The following ADAMTS5 variants were observed in gnomAD, a reference collection of about 807,000 sequenced individuals.
ADAMTS5 encodes the protein ADAM metallopeptidase with thrombospondin type 1 motif 5, also known as A disintegrin and metalloproteinase with thrombospondin motifs 5.
ADAMTS5 carries 54 observed loss-of-function variants against 81.4 expected under a neutral mutation model. The ratio of observed to expected loss-of-function variants is 0.66; its 90% CI spans 0.53 to 0.83. The LOEUF (loss-of-function observed/expected upper bound fraction) is 0.83, where lower values mean the gene tolerates loss of function less well. ADAMTS5 is among the 40% of genes least tolerant of loss of function. The pLI is 0.00. For missense variants in ADAMTS5, 1,194 were observed against 1,229.9 expected (o/e 0.97, Z 0.44); for synonymous variants, 532 against 508.8 (o/e 1.05, Z -0.61).
In ADAMTS5 at chr21:26,965,318, G is replaced by C. The variant is rs1219023361; in HGVS notation, c.1074C>G (p.His358Gln). ...HNQLGDDHEE[H>Q]YDAAILFTRE... ...GAGTAAACAGGATAGCTGCATCGTA[G>C]TGCTCCTCATGGTCATCTCCCAGCT... The change falls in exon 1 of 8, where the codon CAC (histidine) becomes CAG (glutamine). Residue 358 changes from histidine (H) to glutamine (Q), a missense_variant. Transcript: ENST00000284987. 1.2e-6 allele frequency: 2 copies of C among 1,614,128 alleles called. No homozygotes were observed. The highest frequency in any genetic ancestry group is 3.3e-5 in the Admixed American group (2 of 60,028).
At chr21:26,953,029 G>GT (rs912950811) in intron 2 of ADAMTS5, among the ~76,000 whole-genome samples, 9 of 152,184 alleles carry the variant, frequency 5.9e-5, no homozygotes, top group Non-Finnish European at 1.3e-4. Context: ...ATTAGGCTGT[G>GT]TTTTTATCAG....
Position 26,932,023 on chromosome 21 carries a change from T to G in ADAMTS5, c.2030A>C (p.Tyr677Ser). ...AGTTACCTTTGGAGAAAATACCACA[T>G]AGTAGCCAGTGCCCTTGGCTCTGCA... is the stretch of plus-strand genomic sequence containing the variant. ...LTCRAKGTGY[Y>S]VVFSPKVTDG... is the part of the protein sequence containing the mutation. The change falls in exon 6 of 8, where the codon TAT becomes TCT. Residue 677 changes from tyrosine to serine, a missense_variant. Physicochemically the swap from Tyr to Ser is moderately radical, Grantham distance 144. Transcript: ENST00000284987. 1 of 1,613,792 alleles carries G rather than the reference T, an allele frequency of 6.2e-7. No individual in the cohort carries two copies. Among genetic ancestry groups the G allele is most frequent in the Non-Finnish European group, 8.5e-7 (1 of 1,179,814 alleles).
chr21:26,938,996 G>A (rs550855254), intron 3 of ADAMTS5, among the ~76,000 whole-genome samples: 60 of 152,218 alleles, frequency 3.9e-4, no homozygotes, highest in African/African-American at 1.1e-3. Context: ...AAACTCATCC[G>A]AAGAAGCCTA....
rs548116005 is a variant in ADAMTS5, at chr21:26,936,362, G to C, written c.1406-1613C>G. Among the ~76,000 whole-genome samples, 60 of 152,250 alleles carry C rather than the reference G, an allele frequency of 3.9e-4. 1 individual carries two copies. In the South Asian group the frequency reaches 0.012, roughly 31 times the overall value. Reference sequence around the variant, plus strand: ...TGAAATTAGCTAACAAAGATCTTAAGGGTGACCAGAAAAATACAAAGCAAT... The same window carrying C: ...TGAAATTAGCTAACAAAGATCTTAACGGTGACCAGAAAAATACAAAGCAAT... On this transcript the variant is annotated intron_variant, in intron 3 of 7. Transcript: ENST00000284987.
At chr21:26,946,222 C>G (rs1342501093) in intron 2 of ADAMTS5, among the ~76,000 whole-genome samples, 2 of 152,138 alleles carry the variant, frequency 1.3e-5, no homozygotes, top group Non-Finnish European at 2.9e-5. Flanking sequence ...AAAGACGTGA[C>G]ACACATTCTA....
Position 26,966,259 on chromosome 21 carries a change from G to T in ADAMTS5, c.133C>A (p.Arg45=), listed in dbSNP as rs777534375. The T allele has an allele frequency of 6.3e-7, 1 of 1,580,444 alleles. No individual in the cohort carries two copies. The highest frequency in any genetic ancestry group is 8.6e-7 in the Non-Finnish European group (1 of 1,166,518). Residue 45 remains arginine (R), a synonymous_variant, in exon 1 of 8, where the codon CGG becomes AGG. Transcript: ENST00000284987. ...PTAAAAAQPR[R]RQGEEVQERA... Reference sequence around the variant, plus strand: ...TCCTGCACCTCCTCCCCCTGCCGCCGGCGGGGCTGGGCGGCTGCTGCAGCA... The same window carrying T: ...TCCTGCACCTCCTCCCCCTGCCGCCTGCGGGGCTGGGCGGCTGCTGCAGCA...
chr21:26,933,547 C>T (rs1016901219), intron 4 of ADAMTS5, among the ~76,000 whole-genome samples: 1 of 152,216 alleles, frequency 6.6e-6, no homozygotes, highest in African/African-American at 2.4e-5. Context: ...GACTCCATGA[C>T]GTTCATAAAT....
chr21:26,940,329 G>T (rs1380293786), intron 3 of ADAMTS5, among the ~76,000 whole-genome samples: 1 of 151,982 alleles, frequency 6.6e-6, no homozygotes, highest in African/African-American at 2.4e-5. Context: ...CTTTATACTG[G>T]TCACAGTTTA....
In ADAMTS5 at chr21:26,938,548, C is replaced by T. The variant is rs1442463443; in HGVS notation, c.1406-3799G>A. Among the ~76,000 whole-genome samples, 18 of 152,064 alleles carry T rather than the reference C, an allele frequency of 1.2e-4. No individual in the cohort carries two copies. In the East Asian group the frequency reaches 3.5e-3, roughly 30 times the overall value. ...TTGTTTTTTTGTTTTGTTTTGTTTT[C>T]AGATGGAGTCTAGCTCTGTTGTCCA... On this transcript the variant is annotated intron_variant, in intron 3 of 7. Coordinates refer to ENST00000284987, the MANE Select transcript of ADAMTS5 (RefSeq NM_007038.5).
At position 26,965,831 on chromosome 21, in the gene ADAMTS5, T is replaced by G; in HGVS notation, c.561A>C (p.Ala187=). 4 of 1,611,382 alleles carry G rather than the reference T, an allele frequency of 2.5e-6. No homozygotes were observed. In the South Asian group the frequency reaches 4.4e-5, roughly 18 times the overall value. ...EKGRVYGDGS[A]RILHVYTREG... Reference sequence around the variant, plus strand: ...CGCGGGTGTAGACGTGCAGGATCCGTGCGGACCCATCCCCGTACACGCGCC... The same window carrying G: ...CGCGGGTGTAGACGTGCAGGATCCGGGCGGACCCATCCCCGTACACGCGCC... Residue 187 remains alanine, a synonymous_variant, in exon 1 of 8, where the codon GCA becomes GCC. Transcript: ENST00000284987.
chr21:26,936,168 A>G (rs1158928125), intron 3 of ADAMTS5, among the ~76,000 whole-genome samples: 1 of 152,114 alleles, frequency 6.6e-6, no homozygotes, highest in Non-Finnish European at 1.5e-5. Flanking sequence ...ATGTGTAAGG[A>G]TCCTTTAAGT....
Position 26,917,931 on chromosome 21 carries a change from A to G in ADAMTS5, c.*6122T>C, listed in dbSNP as rs1208497187. The G allele has an allele frequency of 6.6e-6, 1 of 151,990 alleles. No homozygotes were observed. Among genetic ancestry groups the G allele is most frequent in the African/African-American group, 2.4e-5 (1 of 41,428 alleles). 9.4% of individuals were successfully genotyped at this position (151,990 alleles called of 1,614,324 possible). ...AGTACATACTTTAACCTAGTTTACAATTTATATTTATTATGCCCACTGAAC... is the reference window on the plus strand; with the variant it reads ...AGTACATACTTTAACCTAGTTTACAGTTTATATTTATTATGCCCACTGAAC... On this transcript the variant is annotated 3_prime_UTR_variant, in exon 8 of 8. Transcript: ENST00000284987.
intron 2 of ADAMTS5, among the ~76,000 whole-genome samples, chr21:26,948,678 T>C (rs983851854): frequency 1.3e-5 from 2 of 152,200 alleles, no homozygotes; most frequent in African/African-American, 4.8e-5. Flanking sequence ...TAAACATGAA[T>C]GGTAAATGTG....
intron 2 of ADAMTS5, chr21:26,953,839 A>C (rs1987367010): frequency 6.5e-6 from 1 of 153,808 alleles, no homozygotes; most frequent in Non-Finnish European, 1.5e-5. Flanking sequence ...TATTCCCCAA[A>C]ATAATTCCCT....
intron 3 of ADAMTS5, among the ~76,000 whole-genome samples, chr21:26,935,155 G>A (rs539930161): frequency 1.3e-5 from 2 of 152,256 alleles, no homozygotes; most frequent in Admixed American, 6.5e-5. Context: ...CTACCACTTT[G>A]AGAAACAGAG....
intron 1 of ADAMTS5, among the ~76,000 whole-genome samples, chr21:26,958,951 T>C (rs1315590255): frequency 6.6e-6 from 1 of 152,176 alleles, no homozygotes; most frequent in Non-Finnish European, 1.5e-5. Flanking sequence ...CATAATGGAA[T>C]GGGAAAAGGC....
intron 1 of ADAMTS5, among the ~76,000 whole-genome samples, chr21:26,964,512 A>C (rs1482202956): frequency 6.6e-6 from 1 of 152,210 alleles, no homozygotes; most frequent in Non-Finnish European, 1.5e-5. Context: ...ATATTCATCC[A>C]AAACCCAAAC....
In ADAMTS5 at chr21:26,944,765, C is replaced by A. The variant is rs563688511; in HGVS notation, c.1238-1218G>T. 5.9e-5 allele frequency among the ~76,000 whole-genome samples: 9 copies of A among 152,110 alleles called. No individual in the cohort carries two copies. The East Asian group carries it at 9.7e-4, about 16-fold the overall frequency. On this transcript the variant is annotated intron_variant, in intron 2 of 7. Coordinates refer to ENST00000284987, the MANE Select transcript of ADAMTS5 (RefSeq NM_007038.5). ...AGAGTCCAGTGTGCACCAATAAAACCCAACAGAGATGAAATCTTTCACTTT... is the reference window on the plus strand; with the variant it reads ...AGAGTCCAGTGTGCACCAATAAAACACAACAGAGATGAAATCTTTCACTTT...
chr21:26,937,761 C>T (rs940561744), intron 3 of ADAMTS5, among the ~76,000 whole-genome samples: 1 of 152,146 alleles, frequency 6.6e-6, no homozygotes, highest in Admixed American at 6.6e-5. Context: ...AGGCATCCAA[C>T]CTAGTGCTGA....
Sources: gnomAD v4.1 joint callset for allele counts (sites outside exome capture counted in the v4.1 genomes callset) on GRCh38, gnomAD v4.1.1 for gene constraint, MANE v1.5 for transcripts, NCBI Gene and HGNC (gene_info 2026-07-23, HGNC 2026-07-21) for gene names.